Variants in TCF12 observed in about 807,000 individuals in gnomAD.
TCF12 encodes the protein DNA-binding protein HTF4.
TCF12 carries 45 observed loss-of-function variants against 86.0 expected under a neutral mutation model. The observed-to-expected ratio is 0.52, with a 90% CI of 0.41 to 0.67. TCF12 has a LOEUF of 0.67. TCF12 is among the 30% of genes least tolerant of loss of function. The pLI is 0.00. For synonymous variants in TCF12, 330 were observed against 299.6 expected (o/e 1.10, Z -1.05); for missense variants, 881 against 859.9 (o/e 1.02, Z -0.31).
chr15:56,993,595 A>T (rs1832406549), intron 3 of TCF12, among the ~76,000 whole-genome samples: 1 of 152,200 alleles, frequency 6.6e-6, no homozygotes, highest in Non-Finnish European at 1.5e-5. Flanking sequence ...AATTCCCTGA[A>T]CTATACATAC....
intron 19 of TCF12, chr15:57,278,494 T>C (rs889863904): frequency 7.2e-5 from 11 of 152,004 alleles, no homozygotes; most frequent in African/African-American, 2.7e-4. Context: ...CTATTAACTA[T>C]AGGAAAAATA....
At chr15:57,231,343 T>A in intron 9 of TCF12, 86 bp downstream of exon 9, 2 of 1,089,526 alleles carry the variant, frequency 1.8e-6, no homozygotes, top group Non-Finnish European at 2.7e-6. Context: ...AGAGAATACC[T>A]ATATTCAGGC....
rs1329157091 is a variant in TCF12, at chr15:57,288,988, G to A, written c.*2843G>A. The A allele has an allele frequency of 2.4e-5, 3 of 122,892 alleles. No individual in the cohort carries two copies. The highest frequency in any genetic ancestry group is 4.6e-5 in the Non-Finnish European group (3 of 65,360). 7.6% of individuals were successfully genotyped at this position (122,892 alleles called of 1,614,324 possible). ...AGATCAAAAATTTGCTTTTATCCCAGTTTTTAACCACAAAAAAAAGCGTAG... is the reference window on the plus strand; with the variant it reads ...AGATCAAAAATTTGCTTTTATCCCAATTTTTAACCACAAAAAAAAGCGTAG... On this transcript the variant is annotated 3_prime_UTR_variant, in exon 21 of 21. Coordinates refer to ENST00000333725, the MANE Select transcript of TCF12 (RefSeq NM_207037.2).
intron 5 of TCF12, among the ~76,000 whole-genome samples, chr15:57,140,612 C>T (rs867574726): frequency 6.6e-6 from 1 of 152,084 alleles, no homozygotes. Flanking sequence ...TACAAAGTGC[C>T]GTGTAATTAT....
intron 3 of TCF12, among the ~76,000 whole-genome samples, chr15:57,062,769 A>C (rs1462778835): frequency 6.6e-6 from 1 of 152,254 alleles, no homozygotes; most frequent in African/African-American, 2.4e-5. Context: ...TAAACTTAGC[A>C]GAATGTTATC....
rs192725445 is a variant in TCF12, at chr15:57,176,002, T to C, written c.390+9536T>C. On this transcript the variant is annotated intron_variant, in intron 6 of 20. Coordinates refer to ENST00000333725, the MANE Select transcript of TCF12 (RefSeq NM_207037.2). ...AGGGTAGACATCTACTTTACTGGTA[T>C]TTTATAATAGATTACAGTACCTATT... Among the ~76,000 whole-genome samples the C allele has an allele frequency of 4.1e-3, 617 of 152,302 alleles. 7 individuals are homozygous for C. The highest frequency in any genetic ancestry group is 0.014 in the African/African-American group (585 of 41,564).
intron 3 of TCF12, among the ~76,000 whole-genome samples, chr15:56,994,941 T>A: frequency 6.6e-6 from 1 of 152,116 alleles, no homozygotes; most frequent in East Asian, 1.9e-4. Context: ...TCATGAATTC[T>A]TTAAAATACG....
At chr15:57,200,877 C>A (rs1252644164) in intron 8 of TCF12, among the ~76,000 whole-genome samples, 1 of 152,142 alleles carries the variant, frequency 6.6e-6, no homozygotes, top group Non-Finnish European at 1.5e-5. Flanking sequence ...TAGTCAGTAA[C>A]ATTAAGTGAA....
intron 3 of TCF12, among the ~76,000 whole-genome samples, chr15:56,991,078 G>C (rs1235944117): frequency 1.3e-5 from 2 of 152,216 alleles, no homozygotes; most frequent in East Asian, 3.9e-4. Context: ...TTACAGACGC[G>C]AGCCACTGTG....
intron 12 of TCF12, among the ~76,000 whole-genome samples, chr15:57,238,613 C>G (rs1426517394): frequency 6.6e-6 from 1 of 152,122 alleles, no homozygotes; most frequent in African/African-American, 2.4e-5. Flanking sequence ...TGTATAAATA[C>G]CAAGATAAAT....
chr15:57,100,394 T>C (rs2049647521), intron 5 of TCF12, among the ~76,000 whole-genome samples: 1 of 151,880 alleles, frequency 6.6e-6, no homozygotes, highest in Non-Finnish European at 1.5e-5. Context: ...TCTTGCCTCC[T>C]ATGTGGTAAC....
At chr15:57,202,538 C>G (rs767588654) in intron 8 of TCF12, among the ~76,000 whole-genome samples, 11 of 150,912 alleles carry the variant, frequency 7.3e-5, no homozygotes, top group African/African-American at 2.7e-4. Context: ...CAGATTCATG[C>G]CATTCTCCTG....
At chr15:57,018,246 C>A (rs1242873090) in intron 3 of TCF12, among the ~76,000 whole-genome samples, 1 of 152,104 alleles carries the variant, frequency 6.6e-6, no homozygotes, top group Non-Finnish European at 1.5e-5. Context: ...TGGACTGATA[C>A]AAAGTTGTTA....
At chr15:56,936,166 G>A (rs1348552971) in intron 3 of TCF12, among the ~76,000 whole-genome samples, 19 of 151,686 alleles carry the variant, frequency 1.3e-4, no homozygotes, top group Admixed American at 1.2e-3. Flanking sequence ...TTTTTATTAT[G>A]GCCATTCTTG....
At chr15:57,247,497 C>G (rs2059918539) in intron 13 of TCF12, 1 of 794,664 alleles carries the variant, frequency 1.3e-6, no homozygotes, top group Non-Finnish European at 2.2e-6. Context: ...CATTTCTGAA[C>G]AACAATTTTA....
chr15:57,138,257 A>G (rs1329475017), intron 5 of TCF12, among the ~76,000 whole-genome samples: 1 of 152,200 alleles, frequency 6.6e-6, no homozygotes, highest in African/African-American at 2.4e-5. Context: ...AGCGTTAACT[A>G]AAGATTTCTG....
At position 57,163,564 on chromosome 15, in the gene TCF12, G is replaced by A. The variant is rs189682621; in HGVS notation, c.326-2838G>A. Among the ~76,000 whole-genome samples, 213 of 152,218 alleles carry A rather than the reference G, an allele frequency of 1.4e-3. 5 individuals are homozygous for A. In the East Asian group the frequency reaches 0.025, roughly 18 times the overall value. ...AAACTGAAATTTTAGAAAATTAGGC[G>A]TGTTGGCAAACACCTATGGTTCCAG... On this transcript the variant is annotated intron_variant, in intron 5 of 20. Transcript: ENST00000333725.
chr15:57,159,857 T>C (rs149668177), intron 5 of TCF12, among the ~76,000 whole-genome samples: 1 of 152,236 alleles, frequency 6.6e-6, no homozygotes, highest in African/African-American at 2.4e-5. Context: ...TATTTTGTAC[T>C]GTTGTGAAGG....
At chr15:56,974,116 G>C (rs1215637022) in intron 3 of TCF12, among the ~76,000 whole-genome samples, 3 of 152,118 alleles carry the variant, frequency 2.0e-5, no homozygotes, top group Admixed American at 2.0e-4. Context: ...AATAAGGCCT[G>C]TATATTAAAT....
Sources: gnomAD v4.1 joint callset for allele counts (sites outside exome capture counted in the v4.1 genomes callset) on GRCh38, gnomAD v4.1.1 for gene constraint, MANE v1.5 for transcripts, NCBI Gene and HGNC (gene_info 2026-07-23, HGNC 2026-07-21) for gene names.